OSBPL10: variants seen among roughly 807,000 people sequenced by gnomAD.
OSBPL10 encodes the protein oxysterol binding protein like 10.
OSBPL10 carries 49 observed loss-of-function variants against 81.7 expected under a neutral mutation model. The observed-to-expected ratio is 0.60, with a 90% CI of 0.48 to 0.76. OSBPL10 has a LOEUF of 0.76. Ranked by LOEUF, OSBPL10 falls within the 30% of genes least tolerant of loss-of-function variation. The pLI is 0.00. For synonymous variants in OSBPL10, 419 were observed against 383.6 expected, an observed-to-expected ratio of 1.09 and a Z score of -1.08; for missense variants, 923 against 987.8, an observed-to-expected ratio of 0.93 and a Z score of 0.88.
At chr3:31,797,468 T>C (rs1699258793) in intron 4 of OSBPL10, among the ~76,000 whole-genome samples, 1 of 152,194 alleles carries the variant, frequency 6.6e-6, no homozygotes, top group Non-Finnish European at 1.5e-5. Flanking sequence ...ATCATCCTAG[T>C]ATCATGGTGA....
chr3:31,878,810 T>C (rs1160820963), intron 2 of OSBPL10, among the ~76,000 whole-genome samples: 1 of 91,850 alleles, frequency 1.1e-5, no homozygotes, highest in Non-Finnish European at 2.2e-5. Flanking sequence ...AGACTCTGCG[T>C]GTCCATGTGT....
intron 1 of OSBPL10, among the ~76,000 whole-genome samples, chr3:31,905,999 C>A (rs931168904): frequency 1.3e-5 from 2 of 152,050 alleles, no homozygotes; most frequent in Non-Finnish European, 2.9e-5. Context: ...AATCTACTCT[C>A]CTGTAGAAGG....
chr3:31,692,967 C>T (rs1463336007), intron 7 of OSBPL10, among the ~76,000 whole-genome samples: 11 of 152,202 alleles, frequency 7.2e-5, no homozygotes, highest in Admixed American at 7.2e-4. Flanking sequence ...GAATGGAGAT[C>T]GCATAACTGT....
intron 2 of OSBPL10, among the ~76,000 whole-genome samples, chr3:32,019,809 T>C (rs530795523): frequency 6.6e-6 from 1 of 152,376 alleles, no homozygotes; most frequent in South Asian, 2.1e-4. Context: ...CCATGATCAA[T>C]AGCTTCAACT....
chr3:31,877,188 G>A (rs1338381019), intron 2 of OSBPL10, among the ~76,000 whole-genome samples: 1 of 152,192 alleles, frequency 6.6e-6, no homozygotes, highest in African/African-American at 2.4e-5. Flanking sequence ...TACAGGCTGA[G>A]CCACTGCACC....
intron 1 of OSBPL10, among the ~76,000 whole-genome samples, chr3:31,939,047 A>G (rs1193885418): frequency 1.3e-5 from 2 of 151,846 alleles, no homozygotes; most frequent in East Asian, 3.9e-4. Flanking sequence ...CTCTATCCAC[A>G]CTAGACTTCC....
intron 1 of OSBPL10, among the ~76,000 whole-genome samples, chr3:31,907,216 T>C (rs567542198): frequency 1.1e-3 from 161 of 152,260 alleles, no homozygotes; most frequent in African/African-American, 3.8e-3. Context: ...GAACTCTAGG[T>C]CGGACCAACA....
At chr3:31,743,031 GTTTTT>G (rs10715360) in intron 5 of OSBPL10, among the ~76,000 whole-genome samples, 9 of 57,494 alleles carry the variant, frequency 1.6e-4, no homozygotes, top group African/African-American at 4.5e-4. Context: ...AGCTAAATTA[GTTTTT>G]TTTTTTTTTT....
intron 3 of OSBPL10, among the ~76,000 whole-genome samples, chr3:31,839,787 G>A (rs965180392): frequency 2.0e-5 from 3 of 151,082 alleles, no homozygotes; most frequent in African/African-American, 7.3e-5. Flanking sequence ...GTTAGGGATG[G>A]GAGAGACTAG....
At chr3:31,924,853 G>C (rs954984185) in intron 1 of OSBPL10, among the ~76,000 whole-genome samples, 1 of 152,100 alleles carries the variant, frequency 6.6e-6, no homozygotes, top group African/African-American at 2.4e-5. Context: ...GCAGACTAGA[G>C]GCTAGATTTC....
At chr3:31,751,275 G>C (rs541001085) in intron 4 of OSBPL10, among the ~76,000 whole-genome samples, 1 of 152,254 alleles carries the variant, frequency 6.6e-6, no homozygotes, top group East Asian at 1.9e-4. Flanking sequence ...TTGAGCCCAG[G>C]GGGTGGGGCT....
At chr3:31,716,538 A>C (rs1211170115) in intron 6 of OSBPL10, among the ~76,000 whole-genome samples, 1 of 152,160 alleles carries the variant, frequency 6.6e-6, no homozygotes, top group South Asian at 2.1e-4. Context: ...TATGAGGAAC[A>C]GCAGAGAAAA....
intron 3 of OSBPL10, among the ~76,000 whole-genome samples, chr3:31,862,176 AATTTT>A (rs1396192287): frequency 8.6e-5 from 13 of 152,004 alleles, no homozygotes; most frequent in African/African-American, 3.1e-4. Flanking sequence ...CCCACAAAAA[AATTTT>A]TTTTTAATTT....
At chr3:31,686,879 C>T (rs1321193605) in intron 7 of OSBPL10, among the ~76,000 whole-genome samples, 1 of 152,120 alleles carries the variant, frequency 6.6e-6, no homozygotes, top group Non-Finnish European at 1.5e-5. Context: ...CTGCTGTGTT[C>T]TCCCACCACT....
chr3:31,989,295 G>A (rs752054299), intron 2 of OSBPL10: 64 of 1,614,062 alleles, frequency 4.0e-5, no homozygotes, highest in Non-Finnish European at 5.1e-5. Flanking sequence ...GCATGATGAA[G>A]AAGTTCTCAT....
intron 1 of OSBPL10, among the ~76,000 whole-genome samples, chr3:31,934,962 G>T (rs142470088): frequency 1.3e-5 from 2 of 152,296 alleles, no homozygotes; most frequent in Non-Finnish European, 2.9e-5. Context: ...TAGAGTAGTT[G>T]CAAGAAGCCA....
chr3:31,667,429 GCT>G (rs1236190508), intron 10 of OSBPL10, among the ~76,000 whole-genome samples: 2 of 152,214 alleles, frequency 1.3e-5, no homozygotes, highest in Non-Finnish European at 2.9e-5. Context: ...GGATACTGAA[GCT>G]CTGTTTCCAT....
intron 1 of OSBPL10, among the ~76,000 whole-genome samples, chr3:31,911,522 T>C (rs1421506917): frequency 2.0e-5 from 3 of 151,844 alleles, no homozygotes; most frequent in Admixed American, 6.6e-5. Context: ...GGGTGTCCAA[T>C]CTTTTTACTT....
intron 4 of OSBPL10, among the ~76,000 whole-genome samples, chr3:31,776,853 GA>G (rs1255126908): frequency 1.3e-5 from 2 of 152,020 alleles, no homozygotes; most frequent in African/African-American, 4.8e-5. Flanking sequence ...AAATGCTTTG[GA>G]ACTAGATAGA....
Sources: gnomAD v4.1 joint callset for allele counts (sites outside exome capture counted in the v4.1 genomes callset) on GRCh38, gnomAD v4.1.1 for gene constraint, MANE v1.5 for transcripts, NCBI Gene and HGNC (gene_info 2026-07-23, HGNC 2026-07-21) for gene names.